The following PWWP2B variants were observed in gnomAD, a reference collection of about 807,000 sequenced individuals.
PWWP2B encodes PWWP domain-containing protein 2B.
A neutral mutation model predicts 15.5 loss-of-function variants in PWWP2B; 9 were observed. The ratio of observed to expected loss-of-function variants is 0.58; its 90% confidence interval spans 0.35 to 1.02. The LOEUF is 1.02. Among genes scored for constraint, PWWP2B ranks in the 50% least tolerant of loss-of-function variants. The pLI, the probability that PWWP2B is intolerant of heterozygous loss-of-function variation, is 0.02. For missense variants in PWWP2B, 864 were observed against 865.3 expected, an observed-to-expected ratio of 1.00 and a Z score of 0.02; for synonymous variants, 474 against 403.6, an observed-to-expected ratio of 1.17 and a Z score of -2.09.
intron 2 of PWWP2B, among the ~76,000 whole-genome samples, chr10:132,412,748 G>A (rs2069797637): frequency 6.6e-6 from 1 of 152,200 alleles, no homozygotes; most frequent in African/African-American, 2.4e-5. Context: ...AAGACTTGCG[G>A]CCACCCCCCG....
intron 1 of PWWP2B, among the ~76,000 whole-genome samples, chr10:132,404,393 A>G (rs1301587357): frequency 2.0e-5 from 3 of 152,078 alleles, no homozygotes; most frequent in Non-Finnish European, 4.4e-5. Flanking sequence ...TCCCGGCCAT[A>G]TGCTGCTTGG....
chr10:132,416,855 G>T (rs2069863969), intron 2 of PWWP2B, among the ~76,000 whole-genome samples: 2 of 152,068 alleles, frequency 1.3e-5, no homozygotes, highest in Admixed American at 1.3e-4. Flanking sequence ...GAGCCCCCAA[G>T]CATGGAAGAC....
At chr10:132,406,378 C>T (rs747297963) in intron 2 of PWWP2B, 89 bp downstream of exon 2, 5 of 1,171,070 alleles carry the variant, frequency 4.3e-6, no homozygotes, top group Non-Finnish European at 5.9e-6. Flanking sequence ...GCCCTGAGGC[C>T]CAGGGAGCCG....
intron 2 of PWWP2B, among the ~76,000 whole-genome samples, chr10:132,408,377 G>A (rs1276425163): frequency 6.6e-6 from 1 of 152,236 alleles, no homozygotes; most frequent in Non-Finnish European, 1.5e-5. Context: ...TCTTTGTAGG[G>A]GAAATGCGGG....
chr10:132,401,179 C>T (rs2069610256), intron 1 of PWWP2B, among the ~76,000 whole-genome samples: 1 of 152,238 alleles, frequency 6.6e-6, no homozygotes, highest in African/African-American at 2.4e-5. Flanking sequence ...CGTGTCCTTG[C>T]CAGGACACTG....
At chr10:132,409,620 TCTCC>T (rs1365101666) in intron 2 of PWWP2B, among the ~76,000 whole-genome samples, 3 of 149,988 alleles carry the variant, frequency 2.0e-5, no homozygotes, top group Non-Finnish European at 4.4e-5. Flanking sequence ...TCCCCTGGTC[TCTCC>T]CTCACCACCC....
Position 132,417,230 on chromosome 10 carries a change from C to CCAGCGGGAG in PWWP2B, c.*192_*193insGAGCAGCGG. 1.3e-6 allele frequency: 1 copy of CCAGCGGGAG among 783,516 alleles called. No individual in the cohort carries two copies. Among genetic ancestry groups the CCAGCGGGAG allele is most frequent in the Non-Finnish European group, 2.2e-6 (1 of 459,882 alleles). 48.5% of individuals were successfully genotyped at this position (783,516 alleles called of 1,614,324 possible). On this transcript the variant is annotated 3_prime_UTR_variant, in exon 3 of 3. Transcript: ENST00000305233. ...GTCCAGGGAGGGGATGGCCCTGAGC[C>CCAGCGGGAG]CAGCGGCTCCTCCCGCTGAGTGTAT...
chr10:132,397,559 C>T (rs1398156684), intron 1 of PWWP2B, among the ~76,000 whole-genome samples: 3 of 142,764 alleles, frequency 2.1e-5, no homozygotes, highest in Non-Finnish European at 3.1e-5. Context: ...CGCGACTTTT[C>T]GGGGCGGGCG....
In PWWP2B at chr10:132,405,019, G is replaced by A. The variant is rs750612135; in HGVS notation, c.519G>A (p.Pro173=). 9.8e-5 allele frequency: 150 copies of A among 1,532,258 alleles called. No individual in the cohort carries two copies. Among genetic ancestry groups the A allele is most frequent in the South Asian group, 1.5e-4 (13 of 84,250 alleles). 94.9% of individuals were successfully genotyped at this position (1,532,258 alleles called of 1,614,324 possible). Residue 173 remains proline, a synonymous_variant, in exon 2 of 3, where the codon CCG becomes CCA. Coordinates refer to ENST00000305233, the MANE Select transcript of PWWP2B (RefSeq NM_138499.4). ...RLILSTIRLR[P]RQVLCEKCKS... ...TCCTCAGCACCATCCGCCTGCGGCC[G>A]CGCCAGGTGCTCTGTGAGAAGTGCA...
chr10:132,404,119 G>C (rs1439105534), intron 1 of PWWP2B, among the ~76,000 whole-genome samples: 2 of 150,286 alleles, frequency 1.3e-5, no homozygotes, highest in Non-Finnish European at 3.0e-5. Flanking sequence ...CCAGGGGCTT[G>C]CTTTGGGGGT....
At position 132,399,227 on chromosome 10, in the gene PWWP2B, T is replaced by C. The variant is rs1419965844; in HGVS notation, c.125+1876T>C. On this transcript the variant is annotated intron_variant, in intron 1 of 2. Transcript: ENST00000305233. ...CGCCCTTATCCCCTGCATGTGACAG[T>C]GGAGGCCCAGTCCCCAAGTGTGGGT... Among the ~76,000 whole-genome samples, 4 of 152,216 alleles carry C rather than the reference T, an allele frequency of 2.6e-5. No individual in the cohort carries two copies. The East Asian group carries it at 5.8e-4, about 22-fold the overall frequency.
intron 1 of PWWP2B, among the ~76,000 whole-genome samples, chr10:132,404,153 G>T (rs1480361166): frequency 2.0e-5 from 3 of 152,112 alleles, no homozygotes; most frequent in Admixed American, 6.5e-5. Context: ...GGCCCTAGGG[G>T]TTGTCTTCCC....
At chr10:132,415,321 C>T (rs1438498916) in intron 2 of PWWP2B, among the ~76,000 whole-genome samples, 1 of 149,320 alleles carries the variant, frequency 6.7e-6, no homozygotes, top group Non-Finnish European at 1.5e-5. Flanking sequence ...CACATCCACA[C>T]ACACCCCCCC....
chr10:132,409,003 C>A (rs1424255652), intron 2 of PWWP2B, among the ~76,000 whole-genome samples: 1 of 152,236 alleles, frequency 6.6e-6, no homozygotes, highest in Admixed American at 6.5e-5. Flanking sequence ...GATGGAGGTG[C>A]GCCGAGGCTG....
Position 132,417,200 on chromosome 10 carries a change from A to C in PWWP2B, c.*156A>C. On this transcript the variant is annotated 3_prime_UTR_variant, in exon 3 of 3. Coordinates refer to ENST00000305233, the MANE Select transcript of PWWP2B (RefSeq NM_138499.4). ...GGTGTGAGGCCCCCCGGGGACCGGC[A>C]GTGTGTCCAGGGAGGGGATGGCCCT... is the stretch of plus-strand genomic sequence containing the variant. 1 of 1,096,876 alleles carries C rather than the reference A, an allele frequency of 9.1e-7. No homozygotes were observed. The highest frequency in any genetic ancestry group is 1.4e-6 in the Non-Finnish European group (1 of 719,734). The allele number at this position is 1,096,876 out of a possible 1,614,324, so 67.9% of individuals were successfully genotyped here.
intron 1 of PWWP2B, among the ~76,000 whole-genome samples, chr10:132,398,683 T>C (rs1407953924): frequency 6.6e-6 from 1 of 152,200 alleles, no homozygotes; most frequent in Non-Finnish European, 1.5e-5. Context: ...TTTGCAAATC[T>C]ACACCACCGC....
chr10:132,404,044 C>CAGGACGGCATTCTCCAGGGCTCCTGT (rs1564873044), intron 1 of PWWP2B, among the ~76,000 whole-genome samples: 28 of 67,090 alleles, frequency 4.2e-4, no homozygotes, highest in African/African-American at 2.1e-3. Context: ...AGGGCTCCTG[C>CAGGACGGCATTCTCCAGGGCTCCTGT]AGGACGGCAT....
chr10:132,405,693 C>T lies in PWWP2B; in HGVS notation c.1193C>T (p.Pro398Leu), dbSNP rs1299327785. ...DDDFKSCPQG[P>L]QGREGLAFLV... ...GACTTCAAGAGCTGTCCCCAGGGTCCACAGGGACGCGAGGGCTTGGCTTTT... is the reference window on the plus strand; with the variant it reads ...GACTTCAAGAGCTGTCCCCAGGGTCTACAGGGACGCGAGGGCTTGGCTTTT... Residue 398 changes from proline to leucine, a missense_variant, in exon 2 of 3, where the codon CCA (proline) becomes CTA (leucine). Transcript: ENST00000305233. The T allele has an allele frequency of 6.2e-7, 1 of 1,612,188 alleles. No individual in the cohort carries two copies. Among genetic ancestry groups the T allele is most frequent in the Non-Finnish European group, 8.5e-7 (1 of 1,179,894 alleles).
At chr10:132,408,828 A>G (rs1407427634) in intron 2 of PWWP2B, among the ~76,000 whole-genome samples, 1 of 152,234 alleles carries the variant, frequency 6.6e-6, no homozygotes, top group African/African-American at 2.4e-5. Flanking sequence ...GCTCAGGGGT[A>G]GGCGGATGCC....
Sources: gnomAD v4.1 joint callset for allele counts (sites outside exome capture counted in the v4.1 genomes callset) on GRCh38, gnomAD v4.1.1 for gene constraint, MANE v1.5 for transcripts, NCBI Gene and HGNC (gene_info 2026-07-23, HGNC 2026-07-21) for gene names.